Variants in MYO1E observed in about 807,000 individuals in gnomAD.
MYO1E encodes the protein unconventional myosin-Ie.
In MYO1E, 68 loss-of-function variants were observed where a neutral mutation model predicts 151.1. The observed-to-expected ratio is 0.45, with a 90% CI of 0.37 to 0.55. The LOEUF is 0.55. Ranked by LOEUF, MYO1E falls within the 20% of genes least tolerant of loss-of-function variation. The pLI is 0.00. For missense variants in MYO1E, 1,363 were observed against 1,389.3 expected, an observed-to-expected ratio of 0.98 and a Z score of 0.30; for synonymous variants, 601 against 501.7, an observed-to-expected ratio of 1.20 and a Z score of -2.64.
chr15:59,248,486 CAAA>C (rs71119447), intron 4 of MYO1E, among the ~76,000 whole-genome samples: 1 of 57,054 alleles, frequency 1.8e-5, no homozygotes. Context: ...GACTCCATCT[CAAA>C]AAAAAAAAAA....
intron 23 of MYO1E, among the ~76,000 whole-genome samples, chr15:59,161,692 G>C (rs2079539174): frequency 1.3e-5 from 2 of 152,144 alleles, no homozygotes; most frequent in African/African-American, 4.8e-5. Flanking sequence ...GTTTAGTCCT[G>C]TACTATTCTT....
intron 1 of MYO1E, among the ~76,000 whole-genome samples, chr15:59,344,081 T>A (rs1287145112): frequency 1.3e-5 from 2 of 152,178 alleles, no homozygotes; most frequent in African/African-American, 4.8e-5. Context: ...TTCATGGATG[T>A]CTAGGCACTG....
chr15:59,156,552 C>T (rs771894600), intron 25 of MYO1E, among the ~76,000 whole-genome samples: 1 of 152,218 alleles, frequency 6.6e-6, no homozygotes, highest in Non-Finnish European at 1.5e-5. Flanking sequence ...TGGGCTCTAA[C>T]TTCCGGTCTC....
In MYO1E at chr15:59,154,168, G is replaced by A. The variant is rs16941082; in HGVS notation, c.2879-377C>T. On this transcript the variant is annotated intron_variant, in intron 25 of 27. Transcript: ENST00000288235. ...CCCACAGTAAGGTAAGCTTACAGCC[G>A]GCTGGGAGACACCTTCTTGGGCCTA... Among the ~76,000 whole-genome samples the A allele has an allele frequency of 5.4e-3, 823 of 152,304 alleles. 4 individuals are homozygous for A. The highest frequency in any genetic ancestry group is 0.018 in the African/African-American group (736 of 41,564).
At chr15:59,178,715 G>C (rs2079640559) in intron 18 of MYO1E, among the ~76,000 whole-genome samples, 178 bp from the exon 19 acceptor site, 1 of 152,224 alleles carries the variant, frequency 6.6e-6, no homozygotes, top group Admixed American at 6.5e-5. Context: ...AAAATCCCGA[G>C]TCTGGGATGC....
chr15:59,346,365 G>T (rs1049979895), intron 1 of MYO1E, among the ~76,000 whole-genome samples: 3 of 152,094 alleles, frequency 2.0e-5, no homozygotes, highest in Non-Finnish European at 2.9e-5. Flanking sequence ...CTCTATTAAT[G>T]AAGAAGAGTG....
At chr15:59,238,046 C>T (rs1216374570) in intron 4 of MYO1E, among the ~76,000 whole-genome samples, 2 of 152,136 alleles carry the variant, frequency 1.3e-5, no homozygotes, top group Admixed American at 1.3e-4. Context: ...GCTTCCTGGT[C>T]ACATGAATAA....
chr15:59,238,135 CAGA>C (rs2080078016), intron 4 of MYO1E, among the ~76,000 whole-genome samples: 1 of 152,136 alleles, frequency 6.6e-6, no homozygotes, highest in South Asian at 2.1e-4. Flanking sequence ...CACACTCTTC[CAGA>C]GGACATGCTT....
intron 1 of MYO1E, among the ~76,000 whole-genome samples, chr15:59,285,933 T>C (rs1567003007): frequency 6.6e-6 from 1 of 152,326 alleles, no homozygotes; most frequent in Admixed American, 6.5e-5. Flanking sequence ...TTGAAAATGA[T>C]AGTCTCTGAA....
chr15:59,217,990 G>C lies in MYO1E; in HGVS notation c.1008C>G (p.Ser336=), dbSNP rs2230155. The change falls in exon 10 of 28, where the codon TCC becomes TCG. Residue 336 remains serine, a synonymous_variant. Transcript: ENST00000288235. ...RQMDSKWGGK[S]ESIHVTLNVE... is the part of the protein sequence containing the mutation. Reference sequence around the variant, plus strand: ...CGTTGAGGGTCACGTGGATGGATTCGGATTTGCCTCCCCACTTGCTATCCA... The same window carrying C: ...CGTTGAGGGTCACGTGGATGGATTCCGATTTGCCTCCCCACTTGCTATCCA... The C allele has an allele frequency of 6.2e-7, 1 of 1,613,888 alleles. No individual in the cohort carries two copies.
chr15:59,236,751 A>C, intron 4 of MYO1E, 79 bp from the exon 5 acceptor site: 1 of 1,218,636 alleles, frequency 8.2e-7, no homozygotes, highest in Non-Finnish European at 1.2e-6. Flanking sequence ...CATCACACAA[A>C]ACAAACAAAC....
Position 59,371,635 on chromosome 15 carries a change from A to C in MYO1E, c.3+863T>G, listed in dbSNP as rs371821804. Among the ~76,000 whole-genome samples the C allele has an allele frequency of 8.8e-4, 134 of 152,304 alleles. 3 individuals are homozygous for C. The South Asian group carries it at 0.027, about 31-fold the overall frequency. On this transcript the variant is annotated intron_variant, in intron 1 of 27. Transcript: ENST00000288235. ...GAGGCGGCCCCTTCCACACATTCCC[A>C]AAGTGCCAAAGGGAAAACAGCAACA... is the stretch of plus-strand genomic sequence containing the variant.
At chr15:59,309,752 T>G (rs779250781) in intron 1 of MYO1E, among the ~76,000 whole-genome samples, 20 of 152,210 alleles carry the variant, frequency 1.3e-4, no homozygotes, top group Non-Finnish European at 2.6e-4. Flanking sequence ...TGCCCTTCGG[T>G]TTCTTCCATA....
At chr15:59,258,065 G>T (rs1327727378) in intron 3 of MYO1E, among the ~76,000 whole-genome samples, 2 of 152,162 alleles carry the variant, frequency 1.3e-5, no homozygotes, top group African/African-American at 2.4e-5. Context: ...AAATGGAAGT[G>T]AGGGCTGGCC....
chr15:59,154,192 T>C (rs531128551), intron 25 of MYO1E, among the ~76,000 whole-genome samples: 1 of 152,244 alleles, frequency 6.6e-6, no homozygotes, highest in East Asian at 1.9e-4. Flanking sequence ...TTCTTGGGCC[T>C]AAGAAAAATT....
At chr15:59,155,649 C>G (rs757758325) in intron 25 of MYO1E, among the ~76,000 whole-genome samples, 2 of 152,182 alleles carry the variant, frequency 1.3e-5, no homozygotes, top group Middle Eastern at 3.2e-3. Flanking sequence ...CTGGAACCAG[C>G]GCACACGCAG....
intron 18 of MYO1E, among the ~76,000 whole-genome samples, chr15:59,184,572 G>T (rs1244114374): frequency 1.3e-5 from 2 of 151,956 alleles, no homozygotes; most frequent in Non-Finnish European, 2.9e-5. Context: ...CGTTGGCCAG[G>T]CTGATCTCGA....
chr15:59,218,483 T>C (rs2079933783), intron 9 of MYO1E, among the ~76,000 whole-genome samples: 1 of 152,246 alleles, frequency 6.6e-6, no homozygotes, highest in African/African-American at 2.4e-5. Context: ...CTCCAAATAT[T>C]GTTTTCTTCC....
intron 1 of MYO1E, among the ~76,000 whole-genome samples, chr15:59,369,648 A>G (rs2080933616): frequency 6.6e-6 from 1 of 152,186 alleles, no homozygotes; most frequent in Non-Finnish European, 1.5e-5. Flanking sequence ...CTCCTTAGGA[A>G]AAAGACACAA....
Sources: gnomAD v4.1 joint callset for allele counts (sites outside exome capture counted in the v4.1 genomes callset) on GRCh38, gnomAD v4.1.1 for gene constraint, MANE v1.5 for transcripts, NCBI Gene and HGNC (gene_info 2026-07-23, HGNC 2026-07-21) for gene names.